Variants in GPR176 observed in about 807,000 individuals in gnomAD.
GPR176 encodes the protein G protein-coupled receptor 176.
Under a neutral mutation model 35.4 loss-of-function variants are expected in GPR176, and 26 were observed. The observed-to-expected ratio is 0.74, with a 90% CI of 0.54 to 1.02. GPR176 has a LOEUF of 1.02. Ranked by LOEUF, GPR176 falls within the 50% of genes least tolerant of loss-of-function variation. The pLI, the probability that GPR176 is intolerant of heterozygous loss-of-function variation, is 0.00. For synonymous variants in GPR176, 278 were observed against 271.3 expected (o/e 1.02, Z -0.24); for missense variants, 597 against 665.3 (o/e 0.90, Z 1.13).
chr15:39,817,543 C>A (rs1008806438), intron 1 of GPR176, among the ~76,000 whole-genome samples: 2 of 152,182 alleles, frequency 1.3e-5, no homozygotes, highest in Non-Finnish European at 2.9e-5. Flanking sequence ...TAAGATATAA[C>A]CCCTGGCTAC....
At chr15:39,879,066 C>T (rs2032371507) in intron 1 of GPR176, among the ~76,000 whole-genome samples, 1 of 152,200 alleles carries the variant, frequency 6.6e-6, no homozygotes, top group South Asian at 2.1e-4. Flanking sequence ...AATGATACTA[C>T]AACAGTACCG....
chr15:39,917,391 A>G (rs2033754549), intron 1 of GPR176, among the ~76,000 whole-genome samples: 1 of 146,704 alleles, frequency 6.8e-6, no homozygotes, highest in African/African-American at 2.5e-5. Flanking sequence ...GCTGGAGTGC[A>G]GCAGTGAAAT....
At chr15:39,910,550 C>G (rs988801090) in intron 1 of GPR176, among the ~76,000 whole-genome samples, 1 of 151,392 alleles carries the variant, frequency 6.6e-6, no homozygotes, top group Non-Finnish European at 1.5e-5. Context: ...AAGAGCAAAC[C>G]GCATCTCAAA....
intron 1 of GPR176, among the ~76,000 whole-genome samples, chr15:39,835,864 G>A (rs1595464664): frequency 6.6e-6 from 1 of 152,230 alleles, no homozygotes; most frequent in East Asian, 1.9e-4. Context: ...GGAGGCCCAG[G>A]AGGGCAGATC....
At chr15:39,893,395 T>C (rs1231458390) in intron 1 of GPR176, among the ~76,000 whole-genome samples, 1 of 152,062 alleles carries the variant, frequency 6.6e-6, no homozygotes, top group East Asian at 1.9e-4. Context: ...ACACAGCACA[T>C]GTTTCAGAGA....
At chr15:39,819,743 C>G (rs748861741) in intron 1 of GPR176, among the ~76,000 whole-genome samples, 1 of 152,174 alleles carries the variant, frequency 6.6e-6, no homozygotes, top group East Asian at 1.9e-4. Context: ...ATTATGCAGT[C>G]TGAAAGGAAA....
chr15:39,844,959 C>T (rs1422438459), intron 1 of GPR176, among the ~76,000 whole-genome samples: 1 of 152,022 alleles, frequency 6.6e-6, no homozygotes, highest in Non-Finnish European at 1.5e-5. Context: ...TAAAAGGGTC[C>T]CCTACTCCCA....
chr15:39,872,468 T>C (rs1303425225), intron 1 of GPR176, among the ~76,000 whole-genome samples: 3 of 152,194 alleles, frequency 2.0e-5, no homozygotes, highest in East Asian at 1.9e-4. Flanking sequence ...GAGATCAAAA[T>C]AGACCAACTT....
intron 1 of GPR176, among the ~76,000 whole-genome samples, chr15:39,839,506 A>G (rs1157412916): frequency 6.6e-6 from 1 of 152,198 alleles, no homozygotes; most frequent in Non-Finnish European, 1.5e-5. Flanking sequence ...TAAATGTTAG[A>G]CCCAAAACCA....
intron 1 of GPR176, among the ~76,000 whole-genome samples, chr15:39,881,653 A>G (rs779083791): frequency 6.6e-6 from 1 of 152,216 alleles, no homozygotes; most frequent in Non-Finnish European, 1.5e-5. Flanking sequence ...ACTCTCTGTT[A>G]ATGAAATTTA....
chr15:39,812,839 G>A (rs1199665475), intron 1 of GPR176, among the ~76,000 whole-genome samples: 1 of 151,822 alleles, frequency 6.6e-6, no homozygotes, highest in Non-Finnish European at 1.5e-5. Flanking sequence ...CTCCCCGCAG[G>A]CTCAAGTGCT....
At chr15:39,875,102 T>A (rs1370577248) in intron 1 of GPR176, among the ~76,000 whole-genome samples, 2 of 152,114 alleles carry the variant, frequency 1.3e-5, no homozygotes, top group African/African-American at 2.4e-5. Flanking sequence ...GAGTCTACCA[T>A]AGACTAACAA....
intron 1 of GPR176, among the ~76,000 whole-genome samples, chr15:39,866,684 C>G (rs2031844091): frequency 6.6e-6 from 1 of 152,150 alleles, no homozygotes. Flanking sequence ...ATAATTCTTA[C>G]TTTGAAAAAT....
chr15:39,873,195 C>A (rs909571744), intron 1 of GPR176, among the ~76,000 whole-genome samples: 1 of 152,136 alleles, frequency 6.6e-6, no homozygotes, highest in South Asian at 2.1e-4. Context: ...TAACTAACCA[C>A]ATTTTCTGCC....
At chr15:39,860,846 T>G (rs2031543185) in intron 1 of GPR176, 1 of 152,204 alleles carries the variant, frequency 6.6e-6, no homozygotes, top group Non-Finnish European at 1.5e-5. Context: ...AGTTCCATTC[T>G]CAATTAATAT....
chr15:39,806,113 G>T (rs1217208996), intron 2 of GPR176, among the ~76,000 whole-genome samples: 2 of 152,184 alleles, frequency 1.3e-5, no homozygotes. Context: ...GGTCATTAAG[G>T]TATTATGTTT....
chr15:39,813,017 G>A (rs982684784), intron 1 of GPR176, among the ~76,000 whole-genome samples: 3 of 152,118 alleles, frequency 2.0e-5, no homozygotes, highest in East Asian at 3.9e-4. Flanking sequence ...TTACAGGCAT[G>A]AGCCACCATG....
intron 1 of GPR176, among the ~76,000 whole-genome samples, chr15:39,898,065 G>A (rs74456043): frequency 0.027 from 4,053 of 151,982 alleles, 210 homozygotes; most frequent in African/African-American, 0.095. Context: ...CTGTCTCTGG[G>A]GACCATATTA....
chr15:39,801,576 C>G lies in GPR176; in HGVS notation c.1104G>C (p.Gln368His). Residue 368 changes from glutamine to histidine, a missense_variant, in exon 3 of 3, where the codon CAG becomes CAC. Physicochemically the swap from Gln to His is conservative, Grantham distance 24. Transcript: ENST00000561100. ...GCCCAATGTGGAACATCTCCAGGAG[C>G]TGGCTACCCGAGCGTATGCTGGGTT... is the stretch of plus-strand genomic sequence containing the variant. Reference protein sequence around the residue: ...SLEPSIRSGSQLLEMFHIGQQ... With the variant: ...SLEPSIRSGSHLLEMFHIGQQ... 6.2e-7 allele frequency: 1 copy of G among 1,614,126 alleles called. No homozygotes were observed.
Sources: allele counts gnomAD v4.1 joint callset (sites outside exome capture counted in the v4.1 genomes callset), GRCh38; gene constraint gnomAD v4.1.1; transcripts MANE v1.5; gene names NCBI Gene and HGNC (gene_info 2026-07-23, HGNC 2026-07-21).